PDE3A: variants seen among roughly 807,000 people sequenced by gnomAD.
The protein encoded by PDE3A is phosphodiesterase 3A.
PDE3A carries 43 observed loss-of-function variants against 98.3 expected under a neutral mutation model. That is an observed-to-expected ratio of 0.44 (90% confidence interval 0.34 to 0.56). The LOEUF is 0.56. Ranked by LOEUF, PDE3A falls within the 20% of genes least tolerant of loss-of-function variation. The pLI is 0.01. For synonymous variants in PDE3A, 663 were observed against 567.9 expected (o/e 1.17, Z -2.38); for missense variants, 1,427 against 1,440.7 (o/e 0.99, Z 0.15).
intron 1 of PDE3A, among the ~76,000 whole-genome samples, chr12:20,526,759 A>T (rs961997974): frequency 2.0e-5 from 3 of 151,830 alleles, no homozygotes; most frequent in Non-Finnish European, 4.4e-5. Context: ...ATTTCATGTC[A>T]ATATGAGTTT....
chr12:20,437,389 G>A (rs1179965795), intron 1 of PDE3A, among the ~76,000 whole-genome samples: 1 of 152,050 alleles, frequency 6.6e-6, no homozygotes, highest in Non-Finnish European at 1.5e-5. Context: ...CATACCTAAG[G>A]TTGTGTAAAT....
At chr12:20,491,249 T>C (rs1421257804) in intron 1 of PDE3A, among the ~76,000 whole-genome samples, 5 of 152,140 alleles carry the variant, frequency 3.3e-5, no homozygotes, top group African/African-American at 9.7e-5. Context: ...GCTTTATTGA[T>C]GGCATGGGAT....
At chr12:20,606,532 A>G (rs572920654) in intron 2 of PDE3A, among the ~76,000 whole-genome samples, 13 of 152,124 alleles carry the variant, frequency 8.5e-5, no homozygotes, top group Admixed American at 6.5e-4. Flanking sequence ...TCAGTACTGC[A>G]ATGTCAAAGT....
chr12:20,626,304 C>A (rs1314921152), intron 5 of PDE3A, among the ~76,000 whole-genome samples: 1 of 151,086 alleles, frequency 6.6e-6, no homozygotes, highest in Non-Finnish European at 1.5e-5. Flanking sequence ...AATATGCATG[C>A]ACATCCTAAT....
chr12:20,549,268 T>C (rs1329259047), intron 1 of PDE3A, among the ~76,000 whole-genome samples: 1 of 151,628 alleles, frequency 6.6e-6, no homozygotes, highest in Non-Finnish European at 1.5e-5. Context: ...TGCGCTAATA[T>C]GAAGTTTATC....
In PDE3A at chr12:20,552,311, T is replaced by C; in HGVS notation, c.961-4349T>C. 1.2e-6 allele frequency: 2 copies of C among 1,612,972 alleles called. No individual in the cohort carries two copies. The highest frequency in any genetic ancestry group is 3.3e-5 in the Admixed American group (2 of 59,920). On this transcript the variant is annotated intron_variant, in intron 1 of 15. Transcript: ENST00000359062. The surrounding 1 kb of genome is among the most constrained non-coding windows in gnomAD (Gnocchi z 5.1). ...AACCGCTACGATGGCATCTACAAGGTTGTGAAATACTGGCCCGAGAAGGGG... is the reference window on the plus strand; with the variant it reads ...AACCGCTACGATGGCATCTACAAGGCTGTGAAATACTGGCCCGAGAAGGGG...
In PDE3A at chr12:20,571,857, G is replaced by C. The variant is rs7966226; in HGVS notation, c.1011+15147G>C. 0.44 allele frequency: 426,422 copies of C among 977,144 alleles called. 94,609 individuals are homozygous for C. The highest frequency in any genetic ancestry group is 0.47 in the Admixed American group (7,694 of 16,364). 60.5% of individuals were successfully genotyped at this position (977,144 alleles called of 1,614,324 possible). On this transcript the variant is annotated intron_variant, in intron 2 of 15. Coordinates refer to ENST00000359062, the MANE Select transcript of PDE3A (RefSeq NM_000921.5). ...GACTAAAGCTTCTAGTATCCAAGTA[G>C]TACTTCATTTGACTCTCCAATAGTG...
At chr12:20,591,639 GC>G (rs1442520016) in intron 2 of PDE3A, among the ~76,000 whole-genome samples, 3 of 152,324 alleles carry the variant, frequency 2.0e-5, no homozygotes, top group Non-Finnish European at 2.9e-5. Flanking sequence ...CTCATTTTGA[GC>G]CCCGTAAGTC....
At chr12:20,412,564 C>A (rs1030961378) in intron 1 of PDE3A, among the ~76,000 whole-genome samples, 1 of 152,082 alleles carries the variant, frequency 6.6e-6, no homozygotes, top group African/African-American at 2.4e-5. Context: ...ACAGACAAAA[C>A]CCACCTAAGT....
chr12:20,591,430 T>C (rs1943336189), intron 2 of PDE3A, among the ~76,000 whole-genome samples: 1 of 152,226 alleles, frequency 6.6e-6, no homozygotes, highest in Admixed American at 6.5e-5. Context: ...TAGAAGAAAT[T>C]AGCATAAAAT....
At chr12:20,414,497 A>C (rs550527601) in intron 1 of PDE3A, among the ~76,000 whole-genome samples, 1 of 152,362 alleles carries the variant, frequency 6.6e-6, no homozygotes, top group East Asian at 1.9e-4. Flanking sequence ...TTTGAAAAAT[A>C]CAATTCAGCT....
chr12:20,437,322 A>T (rs969265535), intron 1 of PDE3A, among the ~76,000 whole-genome samples: 1 of 152,168 alleles, frequency 6.6e-6, no homozygotes, highest in African/African-American at 2.4e-5. Context: ...ATTATTTAAC[A>T]TATATTGATC....
In PDE3A at chr12:20,532,837, C is replaced by T. The variant is rs1029358046; in HGVS notation, c.961-23823C>T. Among the ~76,000 whole-genome samples the T allele has an allele frequency of 9.2e-5, 14 of 152,040 alleles. No individual in the cohort carries two copies. In the East Asian group the frequency reaches 2.1e-3, roughly 23 times the overall value. On this transcript the variant is annotated intron_variant, in intron 1 of 15. Transcript: ENST00000359062. The stretch of plus-strand genomic sequence containing the variant: ...CCGAGTAGCTGGGACTACAGGCGCC[C>T]GCCACTACGCCCGGCTAACTTTTTG...
intron 1 of PDE3A, among the ~76,000 whole-genome samples, chr12:20,540,482 G>A (rs1450448868): frequency 6.6e-6 from 1 of 151,926 alleles, no homozygotes; most frequent in Non-Finnish European, 1.5e-5. Flanking sequence ...ATTATCTTGG[G>A]CATATGGGGC....
chr12:20,457,930 T>TGAACACA (rs1945179773), intron 1 of PDE3A, among the ~76,000 whole-genome samples: 1 of 152,156 alleles, frequency 6.6e-6, no homozygotes, highest in South Asian at 2.1e-4. Context: ...CAATGTTATT[T>TGAACACA]ATACAGTTAG....
chr12:20,406,947 G>A (rs1201206360), intron 1 of PDE3A, among the ~76,000 whole-genome samples: 1 of 152,134 alleles, frequency 6.6e-6, no homozygotes, highest in African/African-American at 2.4e-5. Context: ...ATTTATTAAA[G>A]ACATATTCTT....
At chr12:20,387,553 A>G (rs1943834421) in intron 1 of PDE3A, among the ~76,000 whole-genome samples, 1 of 151,982 alleles carries the variant, frequency 6.6e-6, no homozygotes, top group African/African-American at 2.4e-5. Flanking sequence ...ACAAATCCCA[A>G]TTCCATCAAA....
intron 2 of PDE3A, among the ~76,000 whole-genome samples, chr12:20,591,326 G>C (rs981532638): frequency 6.6e-6 from 1 of 152,228 alleles, no homozygotes; most frequent in Non-Finnish European, 1.5e-5. Flanking sequence ...TGTTTTGAAT[G>C]ACATGAAATG....
At chr12:20,557,910 G>T (rs954612356) in intron 2 of PDE3A, among the ~76,000 whole-genome samples, 12 of 151,968 alleles carry the variant, frequency 7.9e-5, no homozygotes, top group African/African-American at 2.9e-4. Context: ...TTGCTGCAAG[G>T]TCAGTAATGA....
Sources: gnomAD v4.1 joint callset for allele counts (sites outside exome capture counted in the v4.1 genomes callset) on GRCh38, gnomAD v4.1.1 for gene constraint, Gnocchi (gnomAD v3.1) non-coding constraint, MANE v1.5 for transcripts, NCBI Gene and HGNC (gene_info 2026-07-23, HGNC 2026-07-21) for gene names.